ABAT: variants seen among roughly 807,000 people sequenced by gnomAD.
The protein encoded by ABAT is 4-aminobutyrate aminotransferase, also known as 4-aminobutyrate aminotransferase, mitochondrial.
ABAT carries 45 observed loss-of-function variants against 64.6 expected under a neutral mutation model. That is an observed-to-expected ratio of 0.70 (90% CI 0.55 to 0.89). The LOEUF (loss-of-function observed/expected upper bound fraction) is 0.89, where lower values mean the gene tolerates loss of function less well. Ranked by LOEUF, ABAT falls within the 40% of genes least tolerant of loss-of-function variation. ABAT has a pLI of 0.00. For synonymous variants in ABAT, 297 were observed against 250.5 expected, an observed-to-expected ratio of 1.19 and a Z score of -1.75; for missense variants, 633 against 658.4, an observed-to-expected ratio of 0.96 and a Z score of 0.42.
In ABAT at chr16:8,772,796, T is replaced by G; in HGVS notation, c.833T>G (p.Val278Gly). 1 of 1,614,094 alleles carries G rather than the reference T, an allele frequency of 6.2e-7. No homozygotes were observed. The highest frequency in any genetic ancestry group is 8.5e-7 in the Non-Finnish European group (1 of 1,180,008). Reference protein sequence around the residue: ...RCLEEVEDLIVKYRKKKKTVA... With the variant: ...RCLEEVEDLIGKYRKKKKTVA... ...GGGATCCAGGTGGAGGATCTGATTGTGAAATATCGGAAAAAGAAGAAGACG... is the reference window on the plus strand; with the variant it reads ...GGGATCCAGGTGGAGGATCTGATTGGGAAATATCGGAAAAAGAAGAAGACG... The change falls in exon 12 of 16, where the codon GTG becomes GGG. Residue 278 changes from valine (V) to glycine (G), a missense_variant. Physicochemically the swap from Val to Gly is moderately radical, Grantham distance 109. Coordinates refer to ENST00000268251, the MANE Select transcript of ABAT (RefSeq NM_020686.6).
At chr16:8,739,162 T>C (rs758242135) in intron 2 of ABAT, among the ~76,000 whole-genome samples, 1 of 152,174 alleles carries the variant, frequency 6.6e-6, no homozygotes, top group Non-Finnish European at 1.5e-5. Flanking sequence ...AAGAAAGACA[T>C]GTGGCTCTTG....
rs117366046 is a variant in ABAT, at chr16:8,725,310, C to T, written c.-41-10389C>T. On this transcript the variant is annotated intron_variant, in intron 1 of 15. Coordinates refer to ENST00000268251, the MANE Select transcript of ABAT (RefSeq NM_020686.6). ...CCACAATGCTGTGCAGCCACCACCG[C>T]TATCTAATTCCAGATTTTTTTCATC... Among the ~76,000 whole-genome samples the T allele has an allele frequency of 9.0e-3, 1,371 of 152,328 alleles. 12 individuals are homozygous for T. The highest frequency in any genetic ancestry group is 0.013 in the Non-Finnish European group (891 of 68,038).
intron 12 of ABAT, 105 bp from the exon 13 acceptor site, chr16:8,774,785 C>A: frequency 1.4e-6 from 2 of 1,400,044 alleles, no homozygotes; most frequent in Non-Finnish European, 2.0e-6. Context: ...AAAACAAGCA[C>A]GATGTGTGTG....
intron 1 of ABAT, among the ~76,000 whole-genome samples, chr16:8,707,903 A>G (rs1224170363): frequency 6.6e-6 from 1 of 152,214 alleles, no homozygotes; most frequent in African/African-American, 2.4e-5. Flanking sequence ...CCAGGTTATC[A>G]TCCCAGAACC....
intron 1 of ABAT, among the ~76,000 whole-genome samples, chr16:8,734,562 G>A (rs560062351): frequency 3.3e-5 from 5 of 152,216 alleles, no homozygotes; most frequent in Non-Finnish European, 7.4e-5. Context: ...ATGGAGCATG[G>A]TTGTACATGT....
chr16:8,764,678 G>T lies in ABAT; in HGVS notation c.448-60G>T. On this transcript the variant is annotated intron_variant, in intron 7 of 15. Coordinates refer to ENST00000268251, the MANE Select transcript of ABAT (RefSeq NM_020686.6). This position sits in a 1 kb window ranked among gnomAD's most constrained non-coding sequence, Gnocchi z 4.2. ...CTGCGAAGATTCAGCTCCAGCCAGG[G>T]GAAGCGGGAGGACAGGAGTCATGAT... The T allele has an allele frequency of 6.8e-7, 1 of 1,478,216 alleles. No individual in the cohort carries two copies. Among genetic ancestry groups the T allele is most frequent in the Non-Finnish European group, 9.5e-7 (1 of 1,057,000 alleles). The allele number at this position is 1,478,216 out of a possible 1,614,324, so 91.6% of individuals were successfully genotyped here.
At chr16:8,740,930 G>A (rs186365008) in intron 2 of ABAT, among the ~76,000 whole-genome samples, 67 of 152,348 alleles carry the variant, frequency 4.4e-4, no homozygotes, top group Admixed American at 2.2e-3. Context: ...AACTCCAGTT[G>A]GACTTGACCT....
intron 1 of ABAT, among the ~76,000 whole-genome samples, chr16:8,719,098 G>A (rs1309298990): frequency 2.6e-5 from 4 of 152,074 alleles, no homozygotes; most frequent in Non-Finnish European, 1.5e-5. Context: ...TGCTTGTTGG[G>A]CCTCCCCACG....
chr16:8,750,514 T>C lies in ABAT; in HGVS notation c.291T>C (p.Tyr97=). 1 of 1,614,112 alleles carries C rather than the reference T, an allele frequency of 6.2e-7. No individual in the cohort carries two copies. The highest frequency in any genetic ancestry group is 1.7e-4 in the Middle Eastern group (1 of 6,056). The change falls in exon 5 of 16, where the codon TAT becomes TAC. Residue 97 remains tyrosine (Y), a synonymous_variant. Coordinates refer to ENST00000268251, the MANE Select transcript of ABAT (RefSeq NM_020686.6). The stretch of plus-strand genomic sequence containing the variant: ...ACGGCAACCGAATGCTGGATCTTTA[T>C]TCCCAGATCTCCTCTGTCCCCATAG... ...DVDGNRMLDL[Y]SQISSVPIGY... is the part of the protein sequence containing the mutation.
chr16:8,742,724 G>A (rs2059197150), intron 2 of ABAT, among the ~76,000 whole-genome samples: 1 of 151,730 alleles, frequency 6.6e-6, no homozygotes, highest in Non-Finnish European at 1.5e-5. Flanking sequence ...AAATTAGCCG[G>A]GCATGGTGAC....
At chr16:8,713,878 G>C (rs1157636108) in intron 1 of ABAT, 1 of 456,056 alleles carries the variant, frequency 2.2e-6, no homozygotes. Context: ...GAGTGCAAAT[G>C]TGTATGTGTG....
intron 2 of ABAT, 130 bp downstream of exon 2, chr16:8,735,939 G>A: frequency 1.3e-6 from 1 of 768,452 alleles, no homozygotes; most frequent in Non-Finnish European, 2.2e-6. Context: ...CTGTCCCACT[G>A]TATTAGTCTG....
chr16:8,706,507 A>T (rs1001283641), intron 1 of ABAT, among the ~76,000 whole-genome samples: 19 of 151,774 alleles, frequency 1.3e-4, no homozygotes, highest in African/African-American at 4.6e-4. Context: ...TGAGGCCATG[A>T]GTTCAAAACC....
chr16:8,776,609 G>T lies in ABAT; in HGVS notation c.1269+119G>T. The T allele has an allele frequency of 2.7e-6, 3 of 1,106,280 alleles. No individual in the cohort carries two copies. The South Asian group carries it at 4.1e-5, about 15-fold the overall frequency. The allele number at this position is 1,106,280 out of a possible 1,614,324, so 68.5% of individuals were successfully genotyped here. ...CTGCTGTTCCAGCAGTTCGTAACGGGCTGTGCTGCTCCTAGCCTTGGGGGC... is the reference window on the plus strand; with the variant it reads ...CTGCTGTTCCAGCAGTTCGTAACGGTCTGTGCTGCTCCTAGCCTTGGGGGC... On this transcript the variant is annotated intron_variant, in intron 14 of 15. Transcript: ENST00000268251. This position sits in a 1 kb window ranked among gnomAD's most constrained non-coding sequence, Gnocchi z 4.4.
In ABAT at chr16:8,726,420, C is replaced by T. The variant is rs552391446; in HGVS notation, c.-41-9279C>T. Among the ~76,000 whole-genome samples the T allele has an allele frequency of 5.9e-5, 9 of 152,054 alleles. No individual in the cohort carries two copies. The East Asian group carries it at 1.4e-3, about 23-fold the overall frequency. ...GGACTACAGGCATGGGTCACCACAC[C>T]CAGATGATTTTTGTTTTTTGTAGAG... On this transcript the variant is annotated intron_variant, in intron 1 of 15. Coordinates refer to ENST00000268251, the MANE Select transcript of ABAT (RefSeq NM_020686.6).
chr16:8,750,411 C>G lies in ABAT; in HGVS notation c.199-11C>G. The G allele has an allele frequency of 6.2e-7, 1 of 1,613,054 alleles. No homozygotes were observed. The highest frequency in any genetic ancestry group is 1.1e-5 in the South Asian group (1 of 91,062). On this transcript the variant is annotated splice_polypyrimidine_tract_variant and intron_variant, in intron 4 of 15. Transcript: ENST00000268251. ...GGCAGTGAGCCTGAGTTGGTCTTTT[C>G]TTTCTCCAAGAATGCAGAGGCTGTG...
intron 11 of ABAT, among the ~76,000 whole-genome samples, chr16:8,770,469 C>T (rs1485179061): frequency 6.9e-6 from 1 of 145,536 alleles, no homozygotes; most frequent in African/African-American, 2.6e-5. Flanking sequence ...GACAGGGTCT[C>T]ACTCTGTCAC....
intron 13 of ABAT, 30 bp downstream of exon 13, chr16:8,775,087 C>T (rs369847150): frequency 6.2e-7 from 1 of 1,613,726 alleles, no homozygotes; most frequent in Non-Finnish European, 8.5e-7. Context: ...CTCTCTACAT[C>T]CAGGGCAGAG....
At chr16:8,762,083 C>G (rs542697387) in intron 6 of ABAT, among the ~76,000 whole-genome samples, 1 of 152,144 alleles carries the variant, frequency 6.6e-6, no homozygotes, top group Non-Finnish European at 1.5e-5. Context: ...ATTGCAGCCT[C>G]GAACTCCTGG....
Sources: allele counts gnomAD v4.1 joint callset (sites outside exome capture counted in the v4.1 genomes callset), GRCh38; gene constraint gnomAD v4.1.1; non-coding constraint Gnocchi (gnomAD v3.1); transcripts MANE v1.5; gene names NCBI Gene and HGNC (gene_info 2026-07-23, HGNC 2026-07-21).